Variants in VWA5A observed in about 807,000 individuals in gnomAD.
VWA5A encodes von Willebrand factor A domain containing 5A.
A neutral mutation model predicts 84.6 loss-of-function variants in VWA5A; 77 were observed. The ratio of observed to expected loss-of-function variants is 0.91; its 90% CI spans 0.76 to 1.10. The LOEUF is 1.10. Among genes scored for constraint, VWA5A ranks in the 50% least tolerant of loss-of-function variants. VWA5A has a pLI of 0.00. For synonymous variants in VWA5A, 334 were observed against 350.1 expected, an observed-to-expected ratio of 0.95 and a Z score of 0.51; for missense variants, 973 against 963.0, an observed-to-expected ratio of 1.01 and a Z score of -0.14.
Position 124,123,791 on chromosome 11 carries a change from G to A in VWA5A, c.1151G>A (p.Gly384Asp), listed in dbSNP as rs1285568710. ...QNIYRGPSIP[G>D]HPLQLFVFTD... Reference sequence around the variant, plus strand: ...ATTTACAGGGGACCCTCCATCCCAGGCCACCCCCTACAGGTAAGAAGTGGA... The same window carrying A: ...ATTTACAGGGGACCCTCCATCCCAGACCACCCCCTACAGGTAAGAAGTGGA... Residue 384 changes from glycine to aspartate, a missense_variant, in exon 10 of 19, where the codon GGC becomes GAC. By Grantham distance (94) the Gly-to-Asp change is moderately conservative. Coordinates refer to ENST00000456829, the MANE Select transcript of VWA5A (RefSeq NM_001130142.2). 3.2e-6 allele frequency: 5 copies of A among 1,579,614 alleles called. No individual in the cohort carries two copies. The African/African-American group carries it at 6.8e-5, about 21-fold the overall frequency.
At chr11:124,139,922 A>T (rs577439806) in intron 15 of VWA5A, among the ~76,000 whole-genome samples, 39 of 152,292 alleles carry the variant, frequency 2.6e-4, no homozygotes, top group Admixed American at 4.6e-4. Context: ...TCAATATGAT[A>T]TTAGGTGTGA....
At chr11:124,116,755 T>C (rs1300820624) in intron 2 of VWA5A, 75 bp downstream of exon 2, 1 of 152,208 alleles carries the variant, frequency 6.6e-6, no homozygotes, top group Non-Finnish European at 1.5e-5. Flanking sequence ...AAAGCCTGAT[T>C]TATTGGTGCT....
rs7118550 is a variant in VWA5A at position 124,141,042 on chromosome 11, G to T, written c.1880-556G>T. Among the ~76,000 whole-genome samples, 19 of 152,326 alleles carry T rather than the reference G, an allele frequency of 1.2e-4. No homozygotes were observed. In the South Asian group the frequency reaches 3.9e-3, roughly 32 times the overall value. ...GGTATTTTATAGGCTATCTACATGG[G>T]TGATGAAATCTCAAGATGATGGTAG... On this transcript the variant is annotated intron_variant, in intron 15 of 18. Transcript: ENST00000456829.
At chr11:124,144,575 T>C (rs562170248) in intron 17 of VWA5A, among the ~76,000 whole-genome samples, 1 of 152,334 alleles carries the variant, frequency 6.6e-6, no homozygotes, top group Non-Finnish European at 1.5e-5. Flanking sequence ...GAGGACATGA[T>C]AGCCATTTCC....
chr11:124,146,603 T>C lies in VWA5A; in HGVS notation c.*658T>C, dbSNP rs1860826061. The C allele has an allele frequency of 6.6e-6, 1 of 152,330 alleles. No homozygotes were observed. The highest frequency in any genetic ancestry group is 1.5e-5 in the Non-Finnish European group (1 of 68,184). The allele number at this position is 152,330 out of a possible 1,614,324, so 9.4% of individuals were successfully genotyped here. On this transcript the variant is annotated 3_prime_UTR_variant, in exon 19 of 19. Transcript: ENST00000456829. Reference sequence around the variant, plus strand: ...AACTATAACTGTTGGAGAGAGATGTTCCTCTTTAATCATGAAACACCTTAA... The same window carrying C: ...AACTATAACTGTTGGAGAGAGATGTCCCTCTTTAATCATGAAACACCTTAA...
intron 15 of VWA5A, among the ~76,000 whole-genome samples, chr11:124,137,518 T>G (rs1197590162): frequency 2.6e-5 from 4 of 152,198 alleles, no homozygotes; most frequent in Non-Finnish European, 5.9e-5. Flanking sequence ...AAAGTGCAGG[T>G]AAACCCTGAG....
intron 11 of VWA5A, among the ~76,000 whole-genome samples, chr11:124,133,965 T>C (rs1423677637): frequency 1.3e-5 from 2 of 152,244 alleles, no homozygotes; most frequent in Non-Finnish European, 2.9e-5. Flanking sequence ...TAGGCTGCTC[T>C]TGAACTCCTG....
intron 7 of VWA5A, 72 bp from the exon 8 acceptor site, chr11:124,122,888 A>G (rs1864951928): frequency 1.4e-6 from 2 of 1,446,110 alleles, no homozygotes; most frequent in African/African-American, 1.4e-5. Context: ...TGAATTCACT[A>G]CCATTGATTC....
At chr11:124,128,966 C>T (rs1198379544) in intron 11 of VWA5A, among the ~76,000 whole-genome samples, 1 of 152,108 alleles carries the variant, frequency 6.6e-6, no homozygotes, top group Non-Finnish European at 1.5e-5. Context: ...TTTGAATACC[C>T]TTTATTTCTT....
At chr11:124,122,869 GCT>G in intron 7 of VWA5A, 89 bp from the exon 8 acceptor site, 1 of 1,331,576 alleles carries the variant, frequency 7.5e-7, no homozygotes, top group East Asian at 2.3e-5. Context: ...AGTTTTCCTA[GCT>G]CTTAATTGAA....
chr11:124,119,628 A>G (rs1324579679), intron 7 of VWA5A, among the ~76,000 whole-genome samples: 3 of 152,172 alleles, frequency 2.0e-5, no homozygotes, highest in African/African-American at 7.2e-5. Context: ...GATGTCCCCC[A>G]CCATTTTAAT....
chr11:124,131,964 T>C (rs1019855809), intron 11 of VWA5A, among the ~76,000 whole-genome samples: 8 of 151,990 alleles, frequency 5.3e-5, no homozygotes, highest in Admixed American at 3.9e-4. Flanking sequence ...CCTTTTTTTG[T>C]AGTTATCCTT....
intron 2 of VWA5A, among the ~76,000 whole-genome samples, chr11:124,116,899 G>A (rs999409482): frequency 4.6e-5 from 7 of 152,100 alleles, no homozygotes; most frequent in Non-Finnish European, 2.9e-5. Flanking sequence ...CAAGGTAAAT[G>A]GCCTGTGGCA....
chr11:124,126,870 C>A (rs1172430634), intron 11 of VWA5A, among the ~76,000 whole-genome samples: 1 of 152,094 alleles, frequency 6.6e-6, no homozygotes, highest in African/African-American at 2.4e-5. Flanking sequence ...TATTTGAGGG[C>A]AAACCACAGA....
At chr11:124,120,832 A>G (rs895570270) in intron 7 of VWA5A, among the ~76,000 whole-genome samples, 14 of 152,336 alleles carry the variant, frequency 9.2e-5, no homozygotes, top group Middle Eastern at 3.4e-3. Flanking sequence ...TCACCAGAGA[A>G]AGTTCCATAA....
At chr11:124,138,848 C>T (rs1354554508) in intron 15 of VWA5A, among the ~76,000 whole-genome samples, 1 of 152,114 alleles carries the variant, frequency 6.6e-6, no homozygotes. Flanking sequence ...AAAATCATTG[C>T]CCAGACCAAT....
At chr11:124,142,608 TGA>T (rs1860752270) in intron 17 of VWA5A, 36 bp downstream of exon 17, 3 of 1,612,136 alleles carry the variant, frequency 1.9e-6, no homozygotes, top group Admixed American at 1.7e-5. Context: ...TGTATGTTTT[TGA>T]GAGAGAGGTC....
intron 11 of VWA5A, among the ~76,000 whole-genome samples, chr11:124,134,339 G>A (rs527757876): frequency 4.6e-5 from 7 of 152,282 alleles, no homozygotes; most frequent in Admixed American, 6.5e-5. Context: ...TTCCAAAAGC[G>A]CCTGTGCTAG....
At chr11:124,130,353 T>G (rs936600666) in intron 11 of VWA5A, among the ~76,000 whole-genome samples, 7 of 152,210 alleles carry the variant, frequency 4.6e-5, no homozygotes, top group African/African-American at 1.7e-4. Flanking sequence ...CAGTTTGTTA[T>G]GATTTCCATT....
Sources: allele counts gnomAD v4.1 joint callset (sites outside exome capture counted in the v4.1 genomes callset), GRCh38; gene constraint gnomAD v4.1.1; transcripts MANE v1.5; gene names NCBI Gene and HGNC (gene_info 2026-07-23, HGNC 2026-07-21).